The following GRIP1 variants were observed in gnomAD, a reference collection of about 807,000 sequenced individuals.
GRIP1 encodes glutamate receptor interacting protein 1.
In GRIP1, 45 loss-of-function variants were observed where a neutral mutation model predicts 129.9. The ratio of observed to expected loss-of-function variants is 0.35; its 90% CI spans 0.27 to 0.44. GRIP1 has a LOEUF of 0.44. GRIP1 is among the 20% of genes least tolerant of loss of function. The pLI, the probability that GRIP1 is intolerant of heterozygous loss-of-function variation, is 1.00. For missense variants in GRIP1, 1,196 were observed against 1,396.8 expected (o/e 0.86, Z 2.29); for synonymous variants, 530 against 520.8 (o/e 1.02, Z -0.24).
intron 7 of GRIP1, among the ~76,000 whole-genome samples, chr12:66,468,579 T>C (rs1312701007): frequency 2.6e-5 from 4 of 152,186 alleles, no homozygotes; most frequent in African/African-American, 9.7e-5. Flanking sequence ...AAACAAAGTA[T>C]TCATTTTTCT....
At chr12:66,881,209 G>A (rs1004396397) in intron 1 of GRIP1, among the ~76,000 whole-genome samples, 1 of 152,028 alleles carries the variant, frequency 6.6e-6, no homozygotes, top group Non-Finnish European at 1.5e-5. Context: ...AGAGAAAAAG[G>A]TTTTGTGTAT....
intron 11 of GRIP1, among the ~76,000 whole-genome samples, chr12:66,449,802 A>G (rs887129900): frequency 5.9e-5 from 9 of 152,166 alleles, no homozygotes; most frequent in Admixed American, 2.0e-4. Context: ...AGCATCACCT[A>G]TTTGGCAGGT....
intron 12 of GRIP1, 101 bp from the exon 13 acceptor site, chr12:66,444,830 AAT>A: frequency 7.8e-7 from 1 of 1,280,858 alleles, no homozygotes; most frequent in Non-Finnish European, 1.1e-6. Context: ...ATAGCATCAT[AAT>A]TTGGTCTTGC....
At position 66,799,748 on chromosome 12, in the gene GRIP1, G is replaced by A. The variant is rs551725024; in HGVS notation, c.-420+4305C>T. Among the ~76,000 whole-genome samples, 8 of 152,246 alleles carry A rather than the reference G, an allele frequency of 5.3e-5. No individual in the cohort carries two copies. In the East Asian group the frequency reaches 5.8e-4, roughly 11 times the overall value. Reference sequence around the variant, plus strand: ...TCAAGAAAGAAAGTCCTAATTAGACGTCAGTTTCCTGAAGCAGAGAGGGTG... The same window carrying A: ...TCAAGAAAGAAAGTCCTAATTAGACATCAGTTTCCTGAAGCAGAGAGGGTG... On this transcript the variant is annotated intron_variant, in intron 1 of 4. Transcript: ENST00000538373.
chr12:66,558,452 C>T (rs754107380), intron 2 of GRIP1, among the ~76,000 whole-genome samples: 12 of 152,100 alleles, frequency 7.9e-5, no homozygotes, highest in Non-Finnish European at 1.5e-4. Flanking sequence ...GTCCCTCACA[C>T]AACATGTGTG....
chr12:66,942,898 G>A (rs564051928), intron 1 of GRIP1, among the ~76,000 whole-genome samples: 5 of 152,290 alleles, frequency 3.3e-5, no homozygotes, highest in African/African-American at 4.8e-5. Flanking sequence ...GGTCTCTACC[G>A]TGTGAGGATA....
In GRIP1 at chr12:66,949,888, C is replaced by T. The variant is rs369452795; in HGVS notation, c.58+119162G>A. The stretch of plus-strand genomic sequence containing the variant: ...TTTCATGTCATTCTCCTGCCTCAGC[C>T]CCCCCGAGTAGCTGGGACTACAGGT... On this transcript the variant is annotated intron_variant, in intron 1 of 1. Transcript: ENST00000643019. 3.3e-3 allele frequency among the ~76,000 whole-genome samples: 497 copies of T among 151,670 alleles called. 4 individuals are homozygous for T. The highest frequency in any genetic ancestry group is 0.011 in the African/African-American group (472 of 41,344).
At chr12:66,578,614 C>T (rs543530362) in intron 2 of GRIP1, among the ~76,000 whole-genome samples, 2 of 151,174 alleles carry the variant, frequency 1.3e-5, no homozygotes, top group Admixed American at 6.6e-5. Context: ...TATCCCGCAC[C>T]TGGCTCAGAG....
At chr12:66,807,144 G>A (rs993546109), upstream of GRIP1, among the ~76,000 whole-genome samples, 2 of 152,084 alleles carry the variant, frequency 1.3e-5, no homozygotes, top group African/African-American at 2.4e-5. Context: ...GAGGGGTGGC[G>A]GAGGTAAACG....
intron 16 of GRIP1, among the ~76,000 whole-genome samples, chr12:66,405,462 A>G (rs748529694): frequency 3.0e-4 from 45 of 152,252 alleles, no homozygotes; most frequent in Non-Finnish European, 4.6e-4. Flanking sequence ...AGGGCTACCC[A>G]AAGTGTGCTC....
At chr12:66,904,839 C>T (rs923831580) in intron 1 of GRIP1, among the ~76,000 whole-genome samples, 8 of 151,308 alleles carry the variant, frequency 5.3e-5, no homozygotes, top group Admixed American at 1.3e-4. Flanking sequence ...TTGCAGTGAG[C>T]CAAGATTGCG....
At chr12:66,382,589 T>C (rs1177311093) in intron 19 of GRIP1, among the ~76,000 whole-genome samples, 1 of 152,196 alleles carries the variant, frequency 6.6e-6, no homozygotes, top group African/African-American at 2.4e-5. Context: ...TGCCCATTGT[T>C]ACTATATACT....
rs565330947 is a variant in GRIP1, at chr12:66,959,694, T to C, written c.58+109356A>G. Among the ~76,000 whole-genome samples the C allele has an allele frequency of 2.6e-5, 4 of 152,278 alleles. No individual in the cohort carries two copies. In the East Asian group the frequency reaches 5.8e-4, roughly 22 times the overall value. On this transcript the variant is annotated intron_variant, in intron 1 of 1. Transcript: ENST00000643019. ...ATTTTAAAAAGCAGCTTCAAATATATATGTATCTCTTTCCACTTTCTTATT... is the reference window on the plus strand; with the variant it reads ...ATTTTAAAAAGCAGCTTCAAATATACATGTATCTCTTTCCACTTTCTTATT...
chr12:66,531,040 GCC>G (rs2061426515), intron 4 of GRIP1, among the ~76,000 whole-genome samples: 1 of 151,600 alleles, frequency 6.6e-6, no homozygotes, highest in African/African-American at 2.4e-5. Context: ...TTCAAGGCCA[GCC>G]TGGCTAAGAT....
At chr12:66,969,602 A>G (rs1447223633) in intron 1 of GRIP1, among the ~76,000 whole-genome samples, 3 of 152,034 alleles carry the variant, frequency 2.0e-5, no homozygotes, top group Admixed American at 1.3e-4. Flanking sequence ...ATTTTTTTAG[A>G]AACAGGGTCT....
chr12:67,065,845 A>C (rs1472683948), intron 1 of GRIP1, among the ~76,000 whole-genome samples: 1 of 151,706 alleles, frequency 6.6e-6, no homozygotes, highest in Middle Eastern at 3.2e-3. Flanking sequence ...AAGCAGATGT[A>C]AAACAATGAA....
chr12:66,734,725 T>C (rs1186442835), intron 1 of GRIP1, among the ~76,000 whole-genome samples: 3 of 152,144 alleles, frequency 2.0e-5, no homozygotes, highest in Non-Finnish European at 4.4e-5. Flanking sequence ...CCTCCATAGA[T>C]GGACAGGAAT....
In GRIP1 at chr12:67,021,375, T is replaced by A. The variant is rs542695434; in HGVS notation, c.58+47675A>T. ...GGCAAATGAGATCATGCAGTAAACA[T>A]TCTTTTTGAGGAGGTCAACCTTGTT... On this transcript the variant is annotated intron_variant, in intron 1 of 1. Transcript: ENST00000643019. Among the ~76,000 whole-genome samples, 32 of 152,326 alleles carry A rather than the reference T, an allele frequency of 2.1e-4. No individual in the cohort carries two copies. The South Asian group carries it at 6.0e-3, about 29-fold the overall frequency.
chr12:66,997,473 G>A (rs1425135471), intron 1 of GRIP1, among the ~76,000 whole-genome samples: 2 of 152,102 alleles, frequency 1.3e-5, no homozygotes, highest in African/African-American at 4.8e-5. Context: ...ATTAAAAAGT[G>A]CTTTAAAATA....
Sources: gnomAD v4.1 joint callset for allele counts (sites outside exome capture counted in the v4.1 genomes callset) on GRCh38, gnomAD v4.1.1 for gene constraint, MANE v1.5 for transcripts, NCBI Gene and HGNC (gene_info 2026-07-23, HGNC 2026-07-21) for gene names.